Variants in FHIP2A observed in about 807,000 individuals in gnomAD.
FHIP2A encodes the protein family with sequence similarity 160 member B1.
A neutral mutation model predicts 93.5 loss-of-function variants in FHIP2A; 46 were observed. The ratio of observed to expected loss-of-function variants is 0.49; its 90% CI spans 0.39 to 0.63. The LOEUF (loss-of-function observed/expected upper bound fraction) is 0.63. FHIP2A is among the 20% of genes least tolerant of loss of function. The pLI, the probability that FHIP2A is intolerant of heterozygous loss-of-function variation, is 0.00. For missense variants in FHIP2A, 769 were observed against 909.7 expected (o/e 0.85, Z 1.99); for synonymous variants, 332 against 326.5 (o/e 1.02, Z -0.18).
chr10:114,888,413 G>A (rs1316088353), intron 16 of FHIP2A, among the ~76,000 whole-genome samples: 1 of 152,200 alleles, frequency 6.6e-6, no homozygotes, highest in Admixed American at 6.5e-5. Flanking sequence ...GAATTATCCA[G>A]TTTGGGGAAG....
intron 16 of FHIP2A, among the ~76,000 whole-genome samples, chr10:114,897,736 G>T (rs770938852): frequency 2.0e-5 from 3 of 152,056 alleles, no homozygotes; most frequent in African/African-American, 7.2e-5. Flanking sequence ...ATGGCAAAAC[G>T]CTGTTTCAAC....
chr10:114,852,213 C>A lies in FHIP2A; in HGVS notation c.1804-2984C>A, dbSNP rs184180215. ...ACCATATTATGATGTGGCCAAAAAA[C>A]CAAAAATATCTATCAATGGCCCTCT... On this transcript the variant is annotated intron_variant, in intron 13 of 16. Coordinates refer to ENST00000369248, the MANE Select transcript of FHIP2A (RefSeq NM_020940.4). 4.6e-5 allele frequency among the ~76,000 whole-genome samples: 7 copies of A among 152,068 alleles called. No individual in the cohort carries two copies. In the East Asian group the frequency reaches 1.2e-3, roughly 25 times the overall value.
At chr10:114,892,267 T>C (rs1368802077) in intron 16 of FHIP2A, among the ~76,000 whole-genome samples, 1 of 152,204 alleles carries the variant, frequency 6.6e-6, no homozygotes, top group Non-Finnish European at 1.5e-5. Flanking sequence ...TGACCCAAAG[T>C]CCAGCTTCTG....
rs139652558 is a variant in FHIP2A, at chr10:114,830,929, A to C, written c.123A>C (p.Ser41=). Reference sequence around the variant, plus strand: ...TTACCCATTACTACATAGAGACTTCAGGTAAGGAACAATGCTGATATTAAC... The same window carrying C: ...TTACCCATTACTACATAGAGACTTCCGGTAAGGAACAATGCTGATATTAAC... The part of the protein sequence containing the change: ...KAITHYYIET[S]DDKAPVTDTN... The change falls in exon 2 of 17, where the codon TCA becomes TCC. Residue 41 remains serine, a splice_region_variant and synonymous_variant. Coordinates refer to ENST00000369248, the MANE Select transcript of FHIP2A (RefSeq NM_020940.4). 1 of 1,573,426 alleles carries C rather than the reference A, an allele frequency of 6.4e-7. No individual in the cohort carries two copies. The highest frequency in any genetic ancestry group is 8.7e-7 in the Non-Finnish European group (1 of 1,154,806).
chr10:114,895,957 A>G (rs2083999351), intron 16 of FHIP2A, among the ~76,000 whole-genome samples: 1 of 152,144 alleles, frequency 6.6e-6, no homozygotes, highest in South Asian at 2.1e-4. Context: ...TCAGCCCCAA[A>G]TCCACCCTTT....
Position 114,861,521 on chromosome 10 carries a change from A to G in FHIP2A, c.2279A>G (p.His760Arg), listed in dbSNP as rs757406237. The G allele has an allele frequency of 8.7e-6, 14 of 1,613,620 alleles. No homozygotes were observed. The highest frequency in any genetic ancestry group is 1.1e-5 in the South Asian group (1 of 91,070). Residue 760 changes from histidine to arginine, a missense_variant, in exon 17 of 17, where the codon CAT (histidine) becomes CGT (arginine). Coordinates refer to ENST00000369248, the MANE Select transcript of FHIP2A (RefSeq NM_020940.4). ...GCGGCAATCGCATTTGTAAAATATC[A>G]TGCTTCCTCCACACCATAAATAACA... ...ELAAIAFVKY[H>R]ASSTP
chr10:114,868,489 T>C (rs1299257903), downstream of FHIP2A, among the ~76,000 whole-genome samples: 1 of 152,116 alleles, frequency 6.6e-6, no homozygotes, highest in Non-Finnish European at 1.5e-5. Flanking sequence ...CCAAAGAGGT[T>C]GGGGACCACT....
chr10:114,828,670 AGTTAATACTT>A (rs1044305303), intron 1 of FHIP2A, among the ~76,000 whole-genome samples: 15 of 152,314 alleles, frequency 9.8e-5, no homozygotes, highest in African/African-American at 3.6e-4. Context: ...TGTTTTCCCA[AGTTAATACTT>A]TGATTCTTAA....
intron 16 of FHIP2A, among the ~76,000 whole-genome samples, chr10:114,886,519 GA>G (rs11344978): frequency 0.041 from 6,197 of 152,222 alleles, 281 homozygotes; most frequent in African/African-American, 0.12. Context: ...CTGCAAAGTA[GA>G]TGCTATTTTG....
At chr10:114,860,598 C>T (rs1316318144) in intron 14 of FHIP2A, 151 bp from the exon 15 acceptor site, 14 of 608,290 alleles carry the variant, frequency 2.3e-5, no homozygotes, top group South Asian at 1.2e-4. Context: ...GTGATCCGCC[C>T]GCCTCAGCCT....
chr10:114,892,610 C>G (rs113639892), intron 16 of FHIP2A, among the ~76,000 whole-genome samples: 9,224 of 151,928 alleles, frequency 0.061, 473 homozygotes, highest in Admixed American at 0.13. Flanking sequence ...TGCACTCCAG[C>G]CTGGGTGACA....
At chr10:114,878,775 CAAAA>C (rs71007499) in intron 16 of FHIP2A, among the ~76,000 whole-genome samples, 17 of 101,164 alleles carry the variant, frequency 1.7e-4, no homozygotes, top group Admixed American at 3.9e-4. Flanking sequence ...GACTTCGCCT[CAAAA>C]AAAAAAAAAA....
rs747993785 is a variant in FHIP2A, at chr10:114,847,092, A to G, written c.1571A>G (p.Asp524Gly). Reference protein sequence around the residue: ...VENGLIAGAVDLEEDPLFTDI... With the variant: ...VENGLIAGAVGLEEDPLFTDI... ...ATGTGTCATTAAATTTAACTTAGAGATCTGGAAGAAGATCCATTATTTACT... is the reference window on the plus strand; with the variant it reads ...ATGTGTCATTAAATTTAACTTAGAGGTCTGGAAGAAGATCCATTATTTACT... Residue 524 changes from aspartate to glycine, a missense_variant and splice_region_variant, in exon 12 of 17, where the codon GAT becomes GGT. Physicochemically the swap from Asp to Gly is moderately conservative, Grantham distance 94. Coordinates refer to ENST00000369248, the MANE Select transcript of FHIP2A (RefSeq NM_020940.4). 7 of 1,603,070 alleles carry G rather than the reference A, an allele frequency of 4.4e-6. No homozygotes were observed. Among genetic ancestry groups the G allele is most frequent in the Non-Finnish European group, 4.3e-6 (5 of 1,175,610 alleles).
rs1044970139 is a variant in FHIP2A at position 114,875,220 on chromosome 10, T to C, written c.2192+13886T>C. On this transcript the variant is annotated intron_variant, in intron 16 of 16. Coordinates refer to the FHIP2A transcript ENST00000369250. The stretch of plus-strand genomic sequence containing the variant: ...CTGCTGTGCTGCGGAAGGACTGCTG[T>C]GGATTCTGACTGCAGACGGGTCTGA... 1.2e-4 allele frequency among the ~76,000 whole-genome samples: 18 copies of C among 152,210 alleles called. 1 individual carries two copies. The highest frequency in any genetic ancestry group is 4.3e-4 in the African/African-American group (18 of 41,454).
At position 114,858,608 on chromosome 10, in the gene FHIP2A, A is replaced by G. The variant is rs1397455596; in HGVS notation, c.1948-2141A>G. Among the ~76,000 whole-genome samples, 7 of 148,826 alleles carry G rather than the reference A, an allele frequency of 4.7e-5. No homozygotes were observed. The South Asian group carries it at 8.5e-4, about 18-fold the overall frequency. On this transcript the variant is annotated intron_variant, in intron 14 of 16. Coordinates refer to ENST00000369248, the MANE Select transcript of FHIP2A (RefSeq NM_020940.4). ...CTTTTTTTTTTTTTTTACTAAATGC[A>G]TTCTTTTAAATTATTTTTTGTAAAT... is the stretch of plus-strand genomic sequence containing the variant.
intron 9 of FHIP2A, 28 bp from the exon 10 acceptor site, chr10:114,846,147 C>G (rs1472552554): frequency 6.2e-7 from 1 of 1,612,170 alleles, no homozygotes; most frequent in East Asian, 2.2e-5. Flanking sequence ...TTATTTTTGC[C>G]CACTGACTAC....
chr10:114,842,394 G>A (rs1008351280), intron 5 of FHIP2A, among the ~76,000 whole-genome samples: 1 of 152,058 alleles, frequency 6.6e-6, no homozygotes, highest in African/African-American at 2.4e-5. Context: ...AGAGGTTTAA[G>A]GAAAAACTTA....
At chr10:114,886,406 A>C (rs1202583236) in intron 16 of FHIP2A, among the ~76,000 whole-genome samples, 2 of 151,540 alleles carry the variant, frequency 1.3e-5, no homozygotes, top group African/African-American at 4.8e-5. Context: ...AGTGCCTTTT[A>C]AAGTTTTCTC....
chr10:114,867,843 TCTG>T (rs772288684), downstream of FHIP2A, among the ~76,000 whole-genome samples: 31 of 152,176 alleles, frequency 2.0e-4, no homozygotes, highest in Non-Finnish European at 4.1e-4. Flanking sequence ...TCAAGAGACT[TCTG>T]CTGCCTTCAT....
Sources: allele counts gnomAD v4.1 joint callset (sites outside exome capture counted in the v4.1 genomes callset), GRCh38; gene constraint gnomAD v4.1.1; transcripts MANE v1.5; gene names NCBI Gene and HGNC (gene_info 2026-07-23, HGNC 2026-07-21).